The following DEPDC5 variants were observed in gnomAD, a reference collection of about 807,000 sequenced individuals.
The protein encoded by DEPDC5 is GATOR1 complex protein DEPDC5.
In DEPDC5, 73 loss-of-function variants were observed where a neutral mutation model predicts 217.3. That is an observed-to-expected ratio of 0.34 (90% CI 0.28 to 0.41). The LOEUF (loss-of-function observed/expected upper bound fraction) is 0.41. Among genes scored for constraint, DEPDC5 ranks in the 10% least tolerant of loss-of-function variants. DEPDC5 has a pLI of 1.00. For missense variants in DEPDC5, 1,675 were observed against 2,070.1 expected, an observed-to-expected ratio of 0.81 and a Z score of 3.70; for synonymous variants, 733 against 756.7, an observed-to-expected ratio of 0.97 and a Z score of 0.51.
intron 24 of DEPDC5, among the ~76,000 whole-genome samples, chr22:31,829,557 A>T (rs1030718016): frequency 6.6e-6 from 1 of 151,904 alleles, no homozygotes; most frequent in Admixed American, 6.6e-5. Flanking sequence ...ATCAGAGAAA[A>T]ATCCAAACAG....
In DEPDC5 at chr22:31,766,587, T is replaced by A. The variant is rs754041570; in HGVS notation, c.282T>A (p.Asp94Glu). The A allele has an allele frequency of 6.2e-7, 1 of 1,613,738 alleles. No individual in the cohort carries two copies. Among genetic ancestry groups the A allele is most frequent in the Non-Finnish European group, 8.5e-7 (1 of 1,179,776 alleles). Residue 94 changes from aspartate (D) to glutamate (E), a missense_variant and splice_region_variant, in exon 6 of 43, where the codon GAT (aspartate) becomes GAA (glutamate). By Grantham distance (45) the Asp-to-Glu change is conservative. Around this residue, in one of 11 missense-constraint regions of DEPDC5, gnomAD observed 628 missense variants for 762.1 expected, o/e 0.82. Transcript: ENST00000651528. Reference sequence around the variant, plus strand: ...TATCATTTGATTATTCCTTTTAGGATGTGACCCTTGACCTAGTGGAATTAA... The same window carrying A: ...TATCATTTGATTATTCCTTTTAGGAAGTGACCCTTGACCTAGTGGAATTAA... Reference protein sequence around the residue: ...DVYVNVVDPKDVTLDLVELTF... With the variant: ...DVYVNVVDPKEVTLDLVELTF...
chr22:31,856,151 ACG>A (rs201115238), intron 31 of DEPDC5, among the ~76,000 whole-genome samples: 1,970 of 89,546 alleles, frequency 0.022, 33 homozygotes, highest in Middle Eastern at 0.037. Flanking sequence ...AGTTGGGCCA[ACG>A]CGCACACACA....
At chr22:31,847,861 A>G (rs1237818176) in intron 31 of DEPDC5, among the ~76,000 whole-genome samples, 4 of 152,198 alleles carry the variant, frequency 2.6e-5, no homozygotes, top group Non-Finnish European at 5.9e-5. Flanking sequence ...CTCAAGTCCA[A>G]TGTCTCATCT....
chr22:31,803,659 T>C (rs1383364388), intron 15 of DEPDC5, among the ~76,000 whole-genome samples: 3 of 152,058 alleles, frequency 2.0e-5, no homozygotes, highest in Non-Finnish European at 4.4e-5. Flanking sequence ...GGCAGTAGAA[T>C]TGCTTGAACC....
chr22:31,823,465 G>A (rs1242048358), intron 24 of DEPDC5, among the ~76,000 whole-genome samples: 1 of 151,298 alleles, frequency 6.6e-6, no homozygotes, highest in African/African-American at 2.4e-5. Context: ...CCTGGGAGGC[G>A]GAGGTTGCAG....
intron 25 of DEPDC5, 70 bp downstream of exon 25, chr22:31,834,050 A>T (rs2090804546): frequency 1.3e-6 from 2 of 1,485,754 alleles, no homozygotes; most frequent in East Asian, 4.5e-5. Context: ...ATGAGGAAAC[A>T]AGAGGAAGCC....
At chr22:31,799,242 A>G (rs931499747) in intron 14 of DEPDC5, among the ~76,000 whole-genome samples, 5 of 151,178 alleles carry the variant, frequency 3.3e-5, no homozygotes, top group African/African-American at 1.2e-4. Flanking sequence ...ACGGGGTTTC[A>G]CCATGTTGGC....
chr22:31,873,921 T>G lies in DEPDC5; in HGVS notation c.3564-352T>G, dbSNP rs1414915199. 1.9e-5 allele frequency: 5 copies of G among 268,830 alleles called. No homozygotes were observed. The Admixed American group carries it at 2.3e-4, about 12-fold the overall frequency. The allele number at this position is 268,830 out of a possible 1,614,324, so 16.7% of individuals were successfully genotyped here. On this transcript the variant is annotated intron_variant, in intron 35 of 42. Transcript: ENST00000651528. ...GATTCTCCCACCTCAGCTTCCTGAC[T>G]AGCTGGGATTACAGGCACCCGCCAC...
At chr22:31,786,568 A>G (rs1464878592) in intron 10 of DEPDC5, among the ~76,000 whole-genome samples, 1 of 150,700 alleles carries the variant, frequency 6.6e-6, no homozygotes, top group African/African-American at 2.4e-5. Flanking sequence ...GCTCACTGCA[A>G]CCTCCGCCTC....
chr22:31,786,852 C>T (rs953594372), intron 10 of DEPDC5, among the ~76,000 whole-genome samples: 1 of 152,048 alleles, frequency 6.6e-6, no homozygotes, highest in African/African-American at 2.4e-5. Context: ...TCAAGTGATT[C>T]TCCCACCTGC....
intron 24 of DEPDC5, among the ~76,000 whole-genome samples, chr22:31,830,760 T>C (rs1448604384): frequency 1.3e-5 from 2 of 151,910 alleles, no homozygotes; most frequent in Admixed American, 6.6e-5. Flanking sequence ...TCTTTTCTTT[T>C]TTTTTTTCTT....
At chr22:31,864,869 T>G (rs1251469380) in intron 33 of DEPDC5, among the ~76,000 whole-genome samples, 1 of 152,158 alleles carries the variant, frequency 6.6e-6, no homozygotes, top group Non-Finnish European at 1.5e-5. Flanking sequence ...TTTTGTATTT[T>G]TAGTAGAGAT....
chr22:31,825,445 A>C (rs557029051), intron 24 of DEPDC5, among the ~76,000 whole-genome samples: 1 of 152,298 alleles, frequency 6.6e-6, no homozygotes, highest in East Asian at 1.9e-4. Context: ...GCTCTGGCTC[A>C]GCCTTCTCTT....
chr22:31,869,565 TAAAA>T (rs3069117), intron 33 of DEPDC5, among the ~76,000 whole-genome samples: 15 of 125,352 alleles, frequency 1.2e-4, no homozygotes, highest in Non-Finnish European at 1.3e-4. Flanking sequence ...AGTCTGTCTT[TAAAA>T]AAAAAAAAAA....
At chr22:31,877,762 A>C (rs1416418967) in intron 37 of DEPDC5, among the ~76,000 whole-genome samples, 3 of 150,734 alleles carry the variant, frequency 2.0e-5, no homozygotes, top group Non-Finnish European at 4.4e-5. Flanking sequence ...AAAAAAAAAA[A>C]AAAAAAAAAA....
intron 19 of DEPDC5, 38 bp from the exon 20 acceptor site, chr22:31,810,483 T>G (rs1246781373): frequency 6.2e-7 from 1 of 1,612,028 alleles, no homozygotes; most frequent in South Asian, 1.1e-5. Flanking sequence ...GTGTTTGAAA[T>G]GTATTTGATG....
Position 31,906,185 on chromosome 22 carries a change from G to A in DEPDC5, c.4520-20G>A, listed in dbSNP as rs775952180. 32 of 1,612,968 alleles carry A rather than the reference G, an allele frequency of 2.0e-5. No homozygotes were observed. Among genetic ancestry groups the A allele is most frequent in the Non-Finnish European group, 2.7e-5 (32 of 1,179,298 alleles). On this transcript the variant is annotated intron_variant, in intron 42 of 42. Coordinates refer to ENST00000651528, the MANE Select transcript of DEPDC5 (RefSeq NM_001242896.3). This position sits in a 1 kb window ranked among gnomAD's most constrained non-coding sequence, Gnocchi z 5.1. ...AGCCCTCCTGGTGGCTGCCACACAG[G>A]CGCTCCCCTTTCTCTTCAGGAACAG...
chr22:31,836,917 T>C (rs2091043144), intron 25 of DEPDC5, 55 bp from the exon 26 acceptor site: 2 of 591,068 alleles, frequency 3.4e-6, no homozygotes, highest in East Asian at 5.1e-5. Context: ...TGGCCCCCCA[T>C]CCCACACTTG....
rs1165307023 is a variant in DEPDC5, at chr22:31,797,649, A to T, written c.817A>T (p.Thr273Ser). The change falls in exon 13 of 43, where the codon ACC becomes TCC. Residue 273 changes from threonine (T) to serine (S), a missense_variant. Physicochemically the swap from Thr to Ser is moderately conservative, Grantham distance 58. Transcript: ENST00000651528. ...AGAAGAATGGACTTCACTTCTCGTA[A>T]CCATTAAAAAACTCTTCATCCAGTA... Reference protein sequence around the residue: ...RREEWTSLLVTIKKLFIQYPV... With the variant: ...RREEWTSLLVSIKKLFIQYPV... 1 of 1,614,112 alleles carries T rather than the reference A, an allele frequency of 6.2e-7. No homozygotes were observed. Among genetic ancestry groups the T allele is most frequent in the Non-Finnish European group, 8.5e-7 (1 of 1,180,000 alleles).
Sources: gnomAD v4.1 joint callset for allele counts (sites outside exome capture counted in the v4.1 genomes callset) on GRCh38, gnomAD v4.1.1 for gene constraint, gnomAD v4.1.1 regional missense constraint, Gnocchi (gnomAD v3.1) non-coding constraint, MANE v1.5 for transcripts, NCBI Gene and HGNC (gene_info 2026-07-23, HGNC 2026-07-21) for gene names.